The following SLC30A8 variants were observed in gnomAD, a reference collection of about 807,000 sequenced individuals.
SLC30A8 encodes the protein solute carrier family 30 member 8.
SLC30A8 carries 27 observed loss-of-function variants against 36.9 expected under a neutral mutation model. The ratio of observed to expected loss-of-function variants is 0.73; its 90% CI spans 0.54 to 1.01. The LOEUF is 1.01. Ranked by LOEUF, SLC30A8 falls within the 50% of genes least tolerant of loss-of-function variation. The pLI, the probability that SLC30A8 is intolerant of heterozygous loss-of-function variation, is 0.00. For missense variants in SLC30A8, 439 were observed against 452.0 expected, an observed-to-expected ratio of 0.97 and a Z score of 0.26; for synonymous variants, 164 against 172.4, an observed-to-expected ratio of 0.95 and a Z score of 0.38.
chr8:117,164,726 G>A (rs749387169), intron 6 of SLC30A8, among the ~76,000 whole-genome samples: 1 of 152,082 alleles, frequency 6.6e-6, no homozygotes, highest in African/African-American at 2.4e-5. Context: ...ATCTTAACAC[G>A]GCTGGGAGCA....
At position 117,172,646 on chromosome 8, in the gene SLC30A8, C is replaced by T; in HGVS notation, c.1075C>T (p.Pro359Ser). Reference sequence around the variant, plus strand: ...GATGGAATCTCCAGTTGACCAGGACCCCGACTGCCTTTTCTGTGAAGACCC... The same window carrying T: ...GATGGAATCTCCAGTTGACCAGGACTCCGACTGCCTTTTCTGTGAAGACCC... ...IQMESPVDQD[P>S]DCLFCEDPCD is the part of the protein sequence containing the mutation. Residue 359 changes from proline to serine, a missense_variant, in exon 8 of 8, where the codon CCC becomes TCC. Pro to Ser is a moderately conservative substitution (Grantham distance 74). Transcript: ENST00000456015. 1 of 1,613,716 alleles carries T rather than the reference C, an allele frequency of 6.2e-7. No homozygotes were observed. The highest frequency in any genetic ancestry group is 8.5e-7 in the Non-Finnish European group (1 of 1,179,710).
intron 2 of SLC30A8, among the ~76,000 whole-genome samples, chr8:117,122,938 C>G (rs1253112083): frequency 6.6e-6 from 1 of 151,946 alleles, no homozygotes; most frequent in African/African-American, 2.4e-5. Context: ...TTGCAATGTA[C>G]TGGGCGTTCC....
At chr8:117,000,874 A>C (rs1350502338) in intron 1 of SLC30A8, among the ~76,000 whole-genome samples, 1 of 152,170 alleles carries the variant, frequency 6.6e-6, no homozygotes, top group Non-Finnish European at 1.5e-5. Flanking sequence ...TAATGGGCAC[A>C]TTGTGAGGAT....
chr8:117,019,476 A>G (rs1037444887), intron 1 of SLC30A8, among the ~76,000 whole-genome samples: 11 of 152,134 alleles, frequency 7.2e-5, no homozygotes, highest in South Asian at 2.1e-4. Flanking sequence ...TGCTCCCTCT[A>G]TTGTTTCATT....
At chr8:117,142,721 G>A (rs942105323) in intron 1 of SLC30A8, among the ~76,000 whole-genome samples, 2 of 151,886 alleles carry the variant, frequency 1.3e-5, no homozygotes, top group African/African-American at 2.4e-5. Flanking sequence ...CCTCCACAGC[G>A]GTGCCTTTCC....
chr8:117,169,756 A>G (rs1203494311), intron 6 of SLC30A8, among the ~76,000 whole-genome samples: 1 of 152,050 alleles, frequency 6.6e-6, no homozygotes, highest in African/African-American at 2.4e-5. Flanking sequence ...GAGCAAGGGC[A>G]AGGGAGGTGC....
chr8:117,116,941 C>A (rs1820468661), intron 2 of SLC30A8, among the ~76,000 whole-genome samples: 1 of 152,022 alleles, frequency 6.6e-6, no homozygotes, highest in South Asian at 2.1e-4. Flanking sequence ...AACTACCCCA[C>A]CTATACAGTC....
At chr8:117,056,279 G>A (rs1395874000) in intron 2 of SLC30A8, 2 of 152,212 alleles carry the variant, frequency 1.3e-5, no homozygotes, top group African/African-American at 2.4e-5. Flanking sequence ...GCCACCTACT[G>A]TTGTCCAACA....
chr8:117,006,740 G>A (rs1816183001), intron 1 of SLC30A8, among the ~76,000 whole-genome samples: 1 of 146,022 alleles, frequency 6.8e-6, no homozygotes, highest in African/African-American at 2.5e-5. Flanking sequence ...CACACGGCTA[G>A]TTAGTGCTAA....
At chr8:116,995,074 G>A (rs145362675) in intron 1 of SLC30A8, among the ~76,000 whole-genome samples, 54 of 152,160 alleles carry the variant, frequency 3.5e-4, no homozygotes, top group African/African-American at 9.4e-4. Flanking sequence ...AATGTAATGC[G>A]GTGTAAATGT....
At chr8:117,138,067 AAAAAAAAAAAAAAG>A (rs1361714740) in intron 1 of SLC30A8, among the ~76,000 whole-genome samples, 67 of 150,190 alleles carry the variant, frequency 4.5e-4, no homozygotes, top group African/African-American at 1.6e-3. Context: ...TAGCAAAAAA[AAAAAAAAAAAAAAG>A]AAAAAGAAAA....
chr8:117,038,046 A>T (rs1450212369), intron 1 of SLC30A8, among the ~76,000 whole-genome samples: 1 of 152,190 alleles, frequency 6.6e-6, no homozygotes, highest in Non-Finnish European at 1.5e-5. Flanking sequence ...GTAATGAAAA[A>T]AATGGAAGAA....
chr8:116,990,734 G>A (rs1436544772), intron 1 of SLC30A8, among the ~76,000 whole-genome samples: 1 of 152,168 alleles, frequency 6.6e-6, no homozygotes, highest in Non-Finnish European at 1.5e-5. Flanking sequence ...TAGTTTCTTG[G>A]TTTTGACAAA....
At chr8:117,167,576 A>AT (rs1467870285) in intron 6 of SLC30A8, among the ~76,000 whole-genome samples, 4 of 151,590 alleles carry the variant, frequency 2.6e-5, no homozygotes, top group African/African-American at 7.3e-5. Flanking sequence ...ATTGATTCAC[A>AT]TTTTTTCTCT....
intron 1 of SLC30A8, among the ~76,000 whole-genome samples, chr8:116,986,004 CA>C (rs1212662567): frequency 4.6e-5 from 7 of 152,284 alleles, no homozygotes; most frequent in Middle Eastern, 3.4e-3. Flanking sequence ...GGAAAACCAG[CA>C]ACTTTCCACT....
At chr8:117,163,301 T>C in intron 5 of SLC30A8, 124 bp from the exon 6 acceptor site, 1 of 685,840 alleles carries the variant, frequency 1.5e-6, no homozygotes, top group African/African-American at 1.8e-5. Context: ...GGATGACACA[T>C]GTCAAAAGGG....
At chr8:117,132,758 G>A (rs147066148), upstream of SLC30A8, among the ~76,000 whole-genome samples, 1 of 152,142 alleles carries the variant, frequency 6.6e-6, no homozygotes, top group East Asian at 1.9e-4. Context: ...ATTTGAGAGA[G>A]GGAATGACGG....
chr8:117,160,437 GCGCACA>G (rs371642554), intron 4 of SLC30A8, among the ~76,000 whole-genome samples: 121 of 123,144 alleles, frequency 9.8e-4, no homozygotes, highest in African/African-American at 4.6e-3. Flanking sequence ...GTGTGTGTGC[GCGCACA>G]TGTGCGCGCG....
At chr8:117,172,047 C>G (rs1002080542) in intron 7 of SLC30A8, among the ~76,000 whole-genome samples, 1 of 152,024 alleles carries the variant, frequency 6.6e-6, no homozygotes, top group Admixed American at 6.6e-5. Context: ...TTACAGCCTG[C>G]TGATAGCATT....
Sources: allele counts gnomAD v4.1 joint callset (sites outside exome capture counted in the v4.1 genomes callset), GRCh38; gene constraint gnomAD v4.1.1; transcripts MANE v1.5; gene names NCBI Gene and HGNC (gene_info 2026-07-23, HGNC 2026-07-21).